Variants in TENM4 observed in about 807,000 individuals in gnomAD.
TENM4 encodes teneurin-4.
A neutral mutation model predicts 243.3 loss-of-function variants in TENM4; 82 were observed. The ratio of observed to expected loss-of-function variants is 0.34; its 90% confidence interval spans 0.28 to 0.40. The LOEUF (loss-of-function observed/expected upper bound fraction) is 0.40, where lower values mean the gene tolerates loss of function less well. Among genes scored for constraint, TENM4 ranks in the 10% least tolerant of loss-of-function variants. TENM4 has a pLI of 1.00. For synonymous variants in TENM4, 1,412 were observed against 1,456.3 expected (o/e 0.97, Z 0.69); for missense variants, 3,138 against 3,673.3 (o/e 0.85, Z 3.77).
At chr11:78,815,279 A>G (rs1384616666) in intron 12 of TENM4, among the ~76,000 whole-genome samples, 1 of 152,114 alleles carries the variant, frequency 6.6e-6, no homozygotes, top group African/African-American at 2.4e-5. Flanking sequence ...CCAGCTACTC[A>G]GGAGGATGAG....
intron 6 of TENM4, among the ~76,000 whole-genome samples, chr11:79,038,767 G>A (rs1008481348): frequency 1.3e-5 from 2 of 152,136 alleles, no homozygotes; most frequent in Non-Finnish European, 2.9e-5. Context: ...CCTGGCTTGG[G>A]AAAAAACCAT....
Position 79,058,982 on chromosome 11 carries a change from C to G in TENM4, c.493+5756G>C, listed in dbSNP as rs1860016442. Among the ~76,000 whole-genome samples the G allele has an allele frequency of 2.0e-5, 3 of 152,294 alleles. No homozygotes were observed. In the South Asian group the frequency reaches 6.2e-4, roughly 32 times the overall value. On this transcript the variant is annotated intron_variant, in intron 6 of 33. Coordinates refer to ENST00000278550, the MANE Select transcript of TENM4 (RefSeq NM_001098816.3). ...CTTATAGATTTTTAAAACCAAGTCT[C>G]TTGGGTATGGGGCCAAGGAGAGCAG... is the stretch of plus-strand genomic sequence containing the variant.
chr11:79,193,715 G>C (rs774131074), intron 3 of TENM4, among the ~76,000 whole-genome samples: 2 of 152,166 alleles, frequency 1.3e-5, no homozygotes, highest in Non-Finnish European at 2.9e-5. Flanking sequence ...TCTCACAGTA[G>C]GTGGGCAGAT....
At chr11:79,035,994 C>A (rs888878623) in intron 6 of TENM4, among the ~76,000 whole-genome samples, 2 of 152,148 alleles carry the variant, frequency 1.3e-5, no homozygotes, top group Admixed American at 1.3e-4. Flanking sequence ...ATTTCCCAAG[C>A]CTCTTGAATC....
In TENM4 at chr11:79,098,439, C is replaced by T. The variant is rs1187949317; in HGVS notation, c.-65-28430G>A. Among the ~76,000 whole-genome samples the T allele has an allele frequency of 2.0e-5, 3 of 152,208 alleles. No homozygotes were observed. In the East Asian group the frequency reaches 5.8e-4, roughly 29 times the overall value. ...TTTAAGCAAGGGACCTGCCTGTGCA[C>T]TGGCCTCCACTCAGCACGAGTCTGA... On this transcript the variant is annotated intron_variant, in intron 4 of 33. Transcript: ENST00000278550.
chr11:79,171,684 G>T (rs1289639365), intron 3 of TENM4, among the ~76,000 whole-genome samples: 1 of 152,180 alleles, frequency 6.6e-6, no homozygotes, highest in Non-Finnish European at 1.5e-5. Flanking sequence ...TGAATAAATG[G>T]ATAAGAATTT....
intron 3 of TENM4, among the ~76,000 whole-genome samples, chr11:79,192,389 G>T (rs1409985208): frequency 2.6e-5 from 4 of 152,216 alleles, no homozygotes; most frequent in Non-Finnish European, 5.9e-5. Context: ...GAAAGAAGTA[G>T]ACACGGGAGA....
Position 79,298,508 on chromosome 11 carries a change from C to T in TENM4, c.-320-965G>A, listed in dbSNP as rs1367393093. Among the ~76,000 whole-genome samples, 13 of 114,480 alleles carry T rather than the reference C, an allele frequency of 1.1e-4. No homozygotes were observed. In the South Asian group the frequency reaches 1.5e-3, roughly 13 times the overall value. The allele number at this position is 114,480 out of a possible 152,430, so 75.1% of individuals were successfully genotyped here. A position where few individuals can be genotyped will look rare whatever the true frequency, so the allele number is the denominator to read the frequency against. Reference sequence around the variant, plus strand: ...CCGCAGTCCGGCCTGGGTGACAGAGCAAGACTCCGTCTCAAAAAAAAAAAA... The same window carrying T: ...CCGCAGTCCGGCCTGGGTGACAGAGTAAGACTCCGTCTCAAAAAAAAAAAA... On this transcript the variant is annotated intron_variant, in intron 1 of 33. Transcript: ENST00000278550.
intron 16 of TENM4, 62 bp downstream of exon 16, chr11:78,786,836 C>T: frequency 6.4e-7 from 1 of 1,554,816 alleles, no homozygotes; most frequent in African/African-American, 1.4e-5. Context: ...CCTGAAATGC[C>T]CCAACAGACA....
At chr11:79,225,010 A>T (rs1190401951) in intron 2 of TENM4, among the ~76,000 whole-genome samples, 1 of 152,138 alleles carries the variant, frequency 6.6e-6, no homozygotes, top group Non-Finnish European at 1.5e-5. Context: ...CACAGGGAAG[A>T]TGCCAGGTGA....
intron 12 of TENM4, among the ~76,000 whole-genome samples, chr11:78,818,361 C>A (rs553091853): frequency 6.6e-6 from 1 of 152,150 alleles, no homozygotes; most frequent in Non-Finnish European, 1.5e-5. Context: ...GAGAAAGGGA[C>A]GAAAGCATAT....
chr11:79,072,657 A>G (rs1194112885), intron 4 of TENM4, among the ~76,000 whole-genome samples: 1 of 152,216 alleles, frequency 6.6e-6, no homozygotes, highest in Non-Finnish European at 1.5e-5. Context: ...TTTTTAAAAA[A>G]TGACTGATTA....
chr11:78,736,479 T>TGTGTGCGTGC (rs796898751), intron 20 of TENM4, among the ~76,000 whole-genome samples: 5 of 99,402 alleles, frequency 5.0e-5, no homozygotes, highest in African/African-American at 1.5e-4. Context: ...TGTGTGTGTG[T>TGTGTGCGTGC]GCGCGCGCGT....
chr11:78,788,622 G>A (rs1856988295), intron 15 of TENM4, among the ~76,000 whole-genome samples: 2 of 152,230 alleles, frequency 1.3e-5, no homozygotes, highest in Non-Finnish European at 2.9e-5. Flanking sequence ...GGGCTCTGGC[G>A]AGCACCCAGT....
chr11:78,661,889 G>A (rs899112673), intron 32 of TENM4, among the ~76,000 whole-genome samples: 1 of 152,082 alleles, frequency 6.6e-6, no homozygotes, highest in Non-Finnish European at 1.5e-5. Context: ...CTTCATACCC[G>A]GGGCAGCTGT....
At chr11:78,883,429 C>A (rs1416403254) in intron 9 of TENM4, among the ~76,000 whole-genome samples, 1 of 152,212 alleles carries the variant, frequency 6.6e-6, no homozygotes, top group African/African-American at 2.4e-5. Context: ...CATCTTCCTT[C>A]CTGATGAGAA....
chr11:79,301,588 G>A (rs143346229), intron 1 of TENM4, among the ~76,000 whole-genome samples: 93 of 152,314 alleles, frequency 6.1e-4, no homozygotes, highest in African/African-American at 2.2e-3. Flanking sequence ...TTGGTTTAAT[G>A]AGAACCAGGC....
chr11:78,968,888 G>C (rs1857488081), intron 6 of TENM4, among the ~76,000 whole-genome samples: 2 of 152,168 alleles, frequency 1.3e-5, no homozygotes, highest in African/African-American at 2.4e-5. Context: ...TGTCTATCAG[G>C]GAAACACAGC....
chr11:79,334,775 A>ACTT (rs1371081748), intron 1 of TENM4, among the ~76,000 whole-genome samples: 1 of 152,190 alleles, frequency 6.6e-6, no homozygotes. Flanking sequence ...GTTGCATATG[A>ACTT]CTGAGAAATC....
Sources: gnomAD v4.1 joint callset for allele counts (sites outside exome capture counted in the v4.1 genomes callset) on GRCh38, gnomAD v4.1.1 for gene constraint, MANE v1.5 for transcripts, NCBI Gene and HGNC (gene_info 2026-07-23, HGNC 2026-07-21) for gene names.